Variants in GRIP1 observed in about 807,000 individuals in gnomAD.
The protein encoded by GRIP1 is glutamate receptor interacting protein 1, also known as glutamate receptor-interacting protein 1.
GRIP1 carries 45 observed loss-of-function variants against 129.9 expected under a neutral mutation model. The ratio of observed to expected loss-of-function variants is 0.35; its 90% CI spans 0.27 to 0.44. The LOEUF is 0.44. Ranked by LOEUF, GRIP1 falls within the 20% of genes least tolerant of loss-of-function variation. The pLI is 1.00. For synonymous variants in GRIP1, 530 were observed against 520.8 expected, an observed-to-expected ratio of 1.02 and a Z score of -0.24; for missense variants, 1,196 against 1,396.8, an observed-to-expected ratio of 0.86 and a Z score of 2.29.
At chr12:66,525,429 C>T (rs2061192746) in intron 5 of GRIP1, among the ~76,000 whole-genome samples, 1 of 152,106 alleles carries the variant, frequency 6.6e-6, no homozygotes, top group Non-Finnish European at 1.5e-5. Flanking sequence ...AAGACAAAAA[C>T]CACATGATTA....
chr12:67,066,340 A>G (rs2043625097), intron 1 of GRIP1, among the ~76,000 whole-genome samples: 1 of 152,228 alleles, frequency 6.6e-6, no homozygotes, highest in Non-Finnish European at 1.5e-5. Flanking sequence ...GCTAAGATAC[A>G]TACTCCTTCA....
chr12:66,716,501 T>A (rs79319178), intron 1 of GRIP1, among the ~76,000 whole-genome samples: 8,239 of 151,448 alleles, frequency 0.054, 575 homozygotes, highest in Admixed American at 0.17. Context: ...TTTTTTTTTT[T>A]AATTTTAATA....
chr12:67,063,923 T>C (rs555232451), intron 1 of GRIP1, among the ~76,000 whole-genome samples: 2 of 152,280 alleles, frequency 1.3e-5, no homozygotes, highest in East Asian at 3.9e-4. Flanking sequence ...AAATATACAA[T>C]GGCTGTTAAC....
chr12:66,617,400 G>C (rs1041118254), intron 1 of GRIP1, among the ~76,000 whole-genome samples: 1 of 151,052 alleles, frequency 6.6e-6, no homozygotes, highest in East Asian at 2.0e-4. Context: ...GTTTTTACAA[G>C]AATGATGTTT....
intron 1 of GRIP1, among the ~76,000 whole-genome samples, chr12:66,762,205 C>T (rs541462304): frequency 1.3e-5 from 2 of 152,322 alleles, no homozygotes; most frequent in African/African-American, 4.8e-5. Context: ...GTGATTTACA[C>T]TTGCTCAGTA....
At chr12:66,435,019 T>C (rs1448489217) in intron 13 of GRIP1, among the ~76,000 whole-genome samples, 1 of 152,210 alleles carries the variant, frequency 6.6e-6, no homozygotes, top group Admixed American at 6.5e-5. Flanking sequence ...GAAAGATCCC[T>C]GATGAACACA....
At chr12:66,812,432 GCCT>G (rs2039121774) in intron 1 of GRIP1, among the ~76,000 whole-genome samples, 1 of 152,192 alleles carries the variant, frequency 6.6e-6, no homozygotes, top group Admixed American at 6.5e-5. Context: ...ACTGTGCCTG[GCCT>G]CCTCTTTACT....
intron 1 of GRIP1, among the ~76,000 whole-genome samples, chr12:67,027,843 T>TA (rs1192862828): frequency 3.9e-5 from 6 of 152,042 alleles, no homozygotes; most frequent in Non-Finnish European, 8.8e-5. Flanking sequence ...GCCTTGACCT[T>TA]AAAAAAACAG....
At chr12:66,875,979 A>G (rs2040375620) in intron 1 of GRIP1, among the ~76,000 whole-genome samples, 1 of 152,098 alleles carries the variant, frequency 6.6e-6, no homozygotes, top group South Asian at 2.1e-4. Flanking sequence ...TCCTGTACCA[A>G]TGTAAAAAGG....
intron 1 of GRIP1, among the ~76,000 whole-genome samples, chr12:66,696,279 C>T (rs2035153190): frequency 6.6e-6 from 1 of 152,124 alleles, no homozygotes; most frequent in Non-Finnish European, 1.5e-5. Context: ...ACAGAAAACT[C>T]TAGCTCTGCA....
intron 14 of GRIP1, among the ~76,000 whole-genome samples, chr12:66,423,115 C>G (rs1366994144): frequency 6.6e-6 from 1 of 152,224 alleles, no homozygotes; most frequent in African/African-American, 2.4e-5. Flanking sequence ...AATAGATGGG[C>G]AATATGGTGT....
chr12:66,630,518 C>T (rs921183857), intron 1 of GRIP1, among the ~76,000 whole-genome samples: 8 of 151,900 alleles, frequency 5.3e-5, no homozygotes, highest in Non-Finnish European at 1.2e-4. Flanking sequence ...AAGAATGAAT[C>T]GCATTTGCCA....
chr12:66,939,917 T>C (rs542293484), intron 1 of GRIP1, among the ~76,000 whole-genome samples: 32 of 152,322 alleles, frequency 2.1e-4, no homozygotes, highest in Admixed American at 2.0e-3. Flanking sequence ...TATAATAAAG[T>C]GAAACAAGAT....
intron 1 of GRIP1, among the ~76,000 whole-genome samples, chr12:66,871,719 A>T (rs1340754950): frequency 6.6e-6 from 1 of 152,050 alleles, no homozygotes; most frequent in African/African-American, 2.4e-5. Context: ...AGTTAAGCTG[A>T]TTTATTTCAT....
At chr12:66,609,592 T>G (rs1213452458) in intron 1 of GRIP1, among the ~76,000 whole-genome samples, 1 of 152,208 alleles carries the variant, frequency 6.6e-6, no homozygotes, top group East Asian at 1.9e-4. Flanking sequence ...CCTCACAAAT[T>G]ACTTGCTTGT....
chr12:66,722,295 C>T (rs7965309), intron 1 of GRIP1, among the ~76,000 whole-genome samples: 114,995 of 152,026 alleles, frequency 0.76, 43,632 homozygotes, highest in East Asian at 0.81. Flanking sequence ...GAGGTCATTG[C>T]AGGATTATTA....
chr12:66,371,321 G>T (rs1414990446), intron 23 of GRIP1, among the ~76,000 whole-genome samples: 2 of 151,978 alleles, frequency 1.3e-5, no homozygotes, highest in Non-Finnish European at 2.9e-5. Context: ...ATCAAGCCTG[G>T]CTAATTTTTG....
chr12:67,036,257 T>C (rs1043081337), intron 1 of GRIP1, among the ~76,000 whole-genome samples: 1 of 151,928 alleles, frequency 6.6e-6, no homozygotes, highest in African/African-American at 2.4e-5. Context: ...ATTCTGAGAA[T>C]AGATCACAGT....
chr12:67,028,701 T>C (rs2042975258), intron 1 of GRIP1, among the ~76,000 whole-genome samples: 1 of 152,124 alleles, frequency 6.6e-6, no homozygotes, highest in East Asian at 1.9e-4. Flanking sequence ...ATTTAAGAAG[T>C]AATAGATCTC....
Sources: allele counts gnomAD v4.1 joint callset (sites outside exome capture counted in the v4.1 genomes callset), GRCh38; gene constraint gnomAD v4.1.1; transcripts MANE v1.5; gene names NCBI Gene and HGNC (gene_info 2026-07-23, HGNC 2026-07-21).